The following ADGRV1 variants were observed in gnomAD, a reference collection of about 807,000 sequenced individuals.
ADGRV1 encodes adhesion G protein-coupled receptor V1.
A neutral mutation model predicts 596.2 loss-of-function variants in ADGRV1; 359 were observed. That is an observed-to-expected ratio of 0.60 (90% confidence interval 0.55 to 0.66). The LOEUF is 0.66. ADGRV1 is among the 30% of genes least tolerant of loss of function. ADGRV1 has a pLI of 0.00. For synonymous variants in ADGRV1, 2,681 were observed against 2,679.2 expected (o/e 1.00, Z -0.02); for missense variants, 7,274 against 7,575.6 (o/e 0.96, Z 1.48).
Position 91,069,259 on chromosome 5 carries a change from A to C in ADGRV1, c.18153-3188A>C, listed in dbSNP as rs771480346. Among the ~76,000 whole-genome samples, 4 of 152,170 alleles carry C rather than the reference A, an allele frequency of 2.6e-5. No individual in the cohort carries two copies. The South Asian group carries it at 8.3e-4, about 32-fold the overall frequency. On this transcript the variant is annotated intron_variant, in intron 85 of 89. Coordinates refer to ENST00000405460, the MANE Select transcript of ADGRV1 (RefSeq NM_032119.4). ...CAATGTCCATGGAGATTTCATAACT[A>C]TGACCCCAAAAGCAATTGCAACAAA...
At position 90,924,479 on chromosome 5, in the gene ADGRV1, T is replaced by G. The variant is rs74376666; in HGVS notation, c.17857-40936T>G. 6.1e-3 allele frequency among the ~76,000 whole-genome samples: 856 copies of G among 140,784 alleles called. 4 individuals are homozygous for G. The highest frequency in any genetic ancestry group is 0.024 in the African/African-American group (830 of 34,050). 92.4% of individuals were successfully genotyped at this position (140,784 alleles called of 152,430 possible). A position where few individuals can be genotyped will look rare whatever the true frequency, so the allele number is the denominator to read the frequency against. ...CTTCGCCCACTTTTTGAGGGGGTTG[T>G]TTTTTTTTTTCTTGTAAATTTGTTT... On this transcript the variant is annotated intron_variant, in intron 83 of 89. Transcript: ENST00000405460.
chr5:90,855,478 T>C (rs1766937215), intron 81 of ADGRV1, among the ~76,000 whole-genome samples: 1 of 152,174 alleles, frequency 6.6e-6, no homozygotes, highest in Non-Finnish European at 1.5e-5. Flanking sequence ...TACTGCCCTG[T>C]TGAGAGGACA....
At chr5:90,562,355 A>G (rs904319668) in intron 1 of ADGRV1, among the ~76,000 whole-genome samples, 16 of 152,230 alleles carry the variant, frequency 1.1e-4, no homozygotes, top group African/African-American at 3.9e-4. Flanking sequence ...CATCTTTTGC[A>G]TGCATGGAGG....
rs776758061 is a variant in ADGRV1, at chr5:90,693,958, TGGA to T, written c.7206_7208del (p.Glu2403del). 3.1e-6 allele frequency: 5 copies of T among 1,607,310 alleles called. No homozygotes were observed. The highest frequency in any genetic ancestry group is 4.3e-6 in the Non-Finnish European group (5 of 1,174,834). Reference sequence around the variant, plus strand: ...GACATTGATGTAGTGGCTCTGGCAATGGAGGAAGGTCAAGATTTACTGTCCTAC... The same window carrying T: ...GACATTGATGTAGTGGCTCTGGCAATGGAAGGTCAAGATTTACTGTCCTAC... On this transcript the variant is annotated inframe_deletion, in exon 33 of 90. Transcript: ENST00000405460.
At position 90,581,441 on chromosome 5, in the gene ADGRV1, G is replaced by A. The variant is rs1460912333; in HGVS notation, c.22+22524G>A. Among the ~76,000 whole-genome samples, 5 of 152,202 alleles carry A rather than the reference G, an allele frequency of 3.3e-5. No individual in the cohort carries two copies. In the East Asian group the frequency reaches 9.6e-4, roughly 29 times the overall value. On this transcript the variant is annotated intron_variant, in intron 1 of 89. Coordinates refer to ENST00000405460, the MANE Select transcript of ADGRV1 (RefSeq NM_032119.4). ...TTGGTGACCTACAGATGGGGTTTTGGTGTGGATGTCATTTTTGTTGATGTA... is the reference window on the plus strand; with the variant it reads ...TTGGTGACCTACAGATGGGGTTTTGATGTGGATGTCATTTTTGTTGATGTA...
At chr5:90,982,632 C>T (rs1780169124) in intron 84 of ADGRV1, among the ~76,000 whole-genome samples, 1 of 152,234 alleles carries the variant, frequency 6.6e-6, no homozygotes, top group South Asian at 2.1e-4. Flanking sequence ...TCTACTAACA[C>T]ACCTCTGCTT....
At chr5:90,728,544 T>C (rs1752100974) in intron 48 of ADGRV1, 125 bp from the exon 49 acceptor site, 6 of 826,032 alleles carry the variant, frequency 7.3e-6, no homozygotes, top group Non-Finnish European at 1.2e-5. Context: ...TATTTTCTTA[T>C]TTATGAAAGT....
At chr5:90,650,721 G>A (rs1490392726) in intron 17 of ADGRV1, among the ~76,000 whole-genome samples, 1 of 150,262 alleles carries the variant, frequency 6.7e-6, no homozygotes, top group African/African-American at 2.5e-5. Context: ...ATGTCTGTAT[G>A]TGTATGTGTG....
At position 90,848,660 on chromosome 5, in the gene ADGRV1, A is replaced by G; in HGVS notation, c.17043A>G (p.Gln5681=). 2 of 1,528,020 alleles carry G rather than the reference A, an allele frequency of 1.3e-6. No homozygotes were observed. Among genetic ancestry groups the G allele is most frequent in the South Asian group, 1.4e-5 (1 of 72,364 alleles). The allele number at this position is 1,528,020 out of a possible 1,614,324, so 94.7% of individuals were successfully genotyped here. Residue 5681 remains glutamine (Q), a synonymous_variant, in exon 79 of 90, where the codon CAA becomes CAG. Coordinates refer to ENST00000405460, the MANE Select transcript of ADGRV1 (RefSeq NM_032119.4). ...AGATAACTACTGAAGGAAAAATTCAAGCTTTCAGTGTTGCCAGCCGAACTC... is the reference window on the plus strand; with the variant it reads ...AGATAACTACTGAAGGAAAAATTCAGGCTTTCAGTGTTGCCAGCCGAACTC... ...IEKITTEGKI[Q]AFSVASRTLF...
At chr5:91,015,049 C>A (rs1783062961) in intron 85 of ADGRV1, among the ~76,000 whole-genome samples, 1 of 151,908 alleles carries the variant, frequency 6.6e-6, no homozygotes, top group African/African-American at 2.4e-5. Context: ...CACTACCTTA[C>A]CTGTGTCTCA....
In ADGRV1 at chr5:90,674,191, G is replaced by T; in HGVS notation, c.5067G>T (p.Lys1689Asn). Residue 1689 changes from lysine to asparagine, a missense_variant, in exon 23 of 90, where the codon AAG becomes AAT. By Grantham distance (94) the Lys-to-Asn change is moderately conservative. Around this residue, in one of 5 missense-constraint regions of ADGRV1, gnomAD observed 3,643 missense variants for 3,809.2 expected, o/e 0.96. Transcript: ENST00000405460. ...PTSGASIDPE[K>N]ETTDITIKAS... ...GTGGTGCAAGCATAGATCCTGAAAAGGAAACGACTGATATCACCATCAAAG... is the reference window on the plus strand; with the variant it reads ...GTGGTGCAAGCATAGATCCTGAAAATGAAACGACTGATATCACCATCAAAG... The T allele has an allele frequency of 1.2e-6, 2 of 1,611,698 alleles. No homozygotes were observed. The highest frequency in any genetic ancestry group is 1.7e-6 in the Non-Finnish European group (2 of 1,179,044).
At position 90,853,548 on chromosome 5, in the gene ADGRV1, A is replaced by G. The variant is rs758257600; in HGVS notation, c.17454+15A>G. The G allele has an allele frequency of 6.2e-7, 1 of 1,602,618 alleles. No homozygotes were observed. Among genetic ancestry groups the G allele is most frequent in the Admixed American group, 1.7e-5 (1 of 58,946 alleles). On this transcript the variant is annotated intron_variant, in intron 80 of 89. Coordinates refer to ENST00000405460, the MANE Select transcript of ADGRV1 (RefSeq NM_032119.4). Reference sequence around the variant, plus strand: ...TAAAAAATAAGGTAATCTTTCATTCAAAACACTTATGTGGTTGGAATCTGA... The same window carrying G: ...TAAAAAATAAGGTAATCTTTCATTCGAAACACTTATGTGGTTGGAATCTGA...
chr5:90,926,576 A>G (rs908286920), intron 83 of ADGRV1, among the ~76,000 whole-genome samples: 1,920 of 151,790 alleles, frequency 0.013, 44 homozygotes, highest in African/African-American at 0.044. Context: ...GATCCTTTCA[A>G]AAAACCAGCT....
intron 44 of ADGRV1, among the ~76,000 whole-genome samples, chr5:90,720,665 A>G (rs1750791082): frequency 6.6e-6 from 1 of 152,110 alleles, no homozygotes. Context: ...ATCTAGTTTC[A>G]TTAATATGTT....
Position 91,054,092 on chromosome 5 carries a change from TGTGTGTGTGTGA to T in ADGRV1, c.18153-18353_18153-18342del, listed in dbSNP as rs1398658318. Among the ~76,000 whole-genome samples the T allele has an allele frequency of 9.3e-3, 1,210 of 130,388 alleles. 10 individuals carry two copies. Among genetic ancestry groups the T allele is most frequent in the African/African-American group, 0.035 (1,144 of 32,578 alleles). 85.5% of individuals were successfully genotyped at this position (130,388 alleles called of 152,430 possible). A position where few individuals can be genotyped will look rare whatever the true frequency, so the allele number is the denominator to read the frequency against. On this transcript the variant is annotated intron_variant, in intron 85 of 89. Transcript: ENST00000405460. ...GTGTTTGTGTGTGTGTGTGTGTGTG[TGTGTGTGTGTGA>T]GAGAGAGAGAGAGAGAGAGAGAGAG...
At chr5:90,828,384 C>G (rs1764240812) in intron 76 of ADGRV1, among the ~76,000 whole-genome samples, 1 of 152,040 alleles carries the variant, frequency 6.6e-6, no homozygotes, top group Non-Finnish European at 1.5e-5. Flanking sequence ...CCACTCCCTG[C>G]CCTGTCCCCA....
intron 82 of ADGRV1, among the ~76,000 whole-genome samples, chr5:90,860,450 G>A (rs892326910): frequency 2.0e-5 from 3 of 151,938 alleles, no homozygotes; most frequent in African/African-American, 7.3e-5. Context: ...ACAGGTGCCC[G>A]CCACCATGCC....
At chr5:90,668,751 G>T (rs184622924) in intron 21 of ADGRV1, among the ~76,000 whole-genome samples, 1 of 152,036 alleles carries the variant, frequency 6.6e-6, no homozygotes, top group Admixed American at 6.6e-5. Flanking sequence ...GATATATAGC[G>T]TGTAACTGTA....
At chr5:91,022,500 G>A (rs1171614480) in intron 85 of ADGRV1, among the ~76,000 whole-genome samples, 2 of 152,080 alleles carry the variant, frequency 1.3e-5, no homozygotes, top group African/African-American at 4.8e-5. Context: ...CAGAGGCTCA[G>A]TAGGTTACCT....
Sources: gnomAD v4.1 joint callset for allele counts (sites outside exome capture counted in the v4.1 genomes callset) on GRCh38, gnomAD v4.1.1 for gene constraint, gnomAD v4.1.1 regional missense constraint, MANE v1.5 for transcripts, NCBI Gene and HGNC (gene_info 2026-07-23, HGNC 2026-07-21) for gene names.